Variants in UGT2B10 observed in about 807,000 individuals in gnomAD.
The protein encoded by UGT2B10 is UDP glucuronosyltransferase family 2 member B10.
A neutral mutation model predicts 43.7 loss-of-function variants in UGT2B10; 51 were observed. The ratio of observed to expected loss-of-function variants is 1.17; its 90% CI spans 0.93 to 1.47. The LOEUF is 1.47. Among genes scored for constraint, UGT2B10 ranks in the 40% most tolerant of loss-of-function variants. UGT2B10 has a pLI of 0.00. For synonymous variants in UGT2B10, 225 were observed against 209.0 expected (o/e 1.08, Z -0.66); for missense variants, 696 against 617.7 (o/e 1.13, Z -1.34).
chr4:68,819,310 A>C (rs1394111125), intron 2 of UGT2B10, among the ~76,000 whole-genome samples: 1 of 151,934 alleles, frequency 6.6e-6, no homozygotes, highest in Non-Finnish European at 1.5e-5. Flanking sequence ...TCAGCACATC[A>C]AGGTTATATT....
intron 5 of UGT2B10, among the ~76,000 whole-genome samples, chr4:68,829,788 G>A (rs1324252515): frequency 6.6e-6 from 1 of 152,038 alleles, no homozygotes; most frequent in Non-Finnish European, 1.5e-5. Context: ...CTAGAAGACA[G>A]TGTGCAGGTA....
At chr4:68,823,727 G>A (rs115329518) in intron 3 of UGT2B10, among the ~76,000 whole-genome samples, 23,794 of 151,690 alleles carry the variant, frequency 0.16, 2,170 homozygotes, top group East Asian at 0.32. Context: ...AAGAAAGTTC[G>A]GGCCTAAAAA....
rs537486832 is a variant in UGT2B10 at position 68,830,979 on chromosome 4, C to CA, written c.*109dup. The CA allele has an allele frequency of 6.3e-4, 910 of 1,433,222 alleles. No individual in the cohort carries two copies. Among genetic ancestry groups the CA allele is most frequent in the Admixed American group, 1.2e-3 (46 of 39,896 alleles). The allele number at this position is 1,433,222 out of a possible 1,614,324, so 88.8% of individuals were successfully genotyped here. A position where few individuals can be genotyped will look rare whatever the true frequency, so the allele number is the denominator to read the frequency against. ...ATGCAAGATTTCTTTCTTCCTGTGA[C>CA]AAAAAAAAATCCTTTCGAAGTCTAC... On this transcript the variant is annotated 3_prime_UTR_variant, in exon 6 of 6. Coordinates refer to ENST00000265403, the MANE Select transcript of UGT2B10 (RefSeq NM_001075.6).
chr4:68,823,129 T>G (rs35887929), intron 3 of UGT2B10, among the ~76,000 whole-genome samples: 1 of 152,138 alleles, frequency 6.6e-6, no homozygotes, highest in African/African-American at 2.4e-5. Flanking sequence ...ATAGCATGAT[T>G]GAATGTCATT....
intron 4 of UGT2B10, among the ~76,000 whole-genome samples, chr4:68,826,932 G>A (rs1312380505): frequency 1.3e-5 from 2 of 152,052 alleles, no homozygotes; most frequent in Non-Finnish European, 2.9e-5. Context: ...GATGAAGTGT[G>A]ACCTGTCTTT....
In UGT2B10 at chr4:68,827,425, T is replaced by G; in HGVS notation, c.1184T>G (p.Phe395Cys). The change falls in exon 5 of 6, where the codon TTT becomes TGT. Residue 395 changes from phenylalanine (F) to cysteine (C), a missense_variant. Transcript: ENST00000265403. Reference protein sequence around the residue: ...HGIPMVGIPLFFDQPDNIAHM... With the variant: ...HGIPMVGIPLCFDQPDNIAHM... ...ATCCCTATGGTGGGCATTCCATTGT[T>G]TTTTGATCAACCTGATAATATTGCT... 6.2e-7 allele frequency: 1 copy of G among 1,611,644 alleles called. No individual in the cohort carries two copies. Among genetic ancestry groups the G allele is most frequent in the Admixed American group, 1.7e-5 (1 of 59,932 alleles).
intron 2 of UGT2B10, among the ~76,000 whole-genome samples, chr4:68,821,489 A>C (rs955603259): frequency 2.6e-5 from 4 of 152,174 alleles, no homozygotes; most frequent in African/African-American, 9.6e-5. Flanking sequence ...GTGTGATTTC[A>C]GGGCAATACG....
Position 68,830,594 on chromosome 4 carries a change from C to T in UGT2B10, c.1308-6C>T. On this transcript the variant is annotated splice_region_variant and splice_polypyrimidine_tract_variant and intron_variant, in intron 5 of 5. Coordinates refer to ENST00000265403, the MANE Select transcript of UGT2B10 (RefSeq NM_001075.6). ...CAGTGTCGGTATCTTTATTTTTATC[C>T]TTCAGATATAAAGAGAATATTATGA... 6.2e-7 allele frequency: 1 copy of T among 1,602,910 alleles called. No homozygotes were observed. The highest frequency in any genetic ancestry group is 8.5e-7 in the Non-Finnish European group (1 of 1,175,086).
Position 68,830,784 on chromosome 4 carries a change from G to A in UGT2B10, c.1492G>A (p.Ala498Thr). 4.3e-6 allele frequency: 7 copies of A among 1,613,324 alleles called. No individual in the cohort carries two copies. Among genetic ancestry groups the A allele is most frequent in the Non-Finnish European group, 5.9e-6 (7 of 1,179,516 alleles). Residue 498 changes from alanine to threonine, a missense_variant, in exon 6 of 6, where the codon GCT becomes ACT. Coordinates refer to ENST00000265403, the MANE Select transcript of UGT2B10 (RefSeq NM_001075.6). ...TTTGGATGTGATTGGGTTCCTGCTG[G>A]CTTGTGTGGCAACCGTGCTATTTAT... is the stretch of plus-strand genomic sequence containing the variant. ...HSLDVIGFLL[A>T]CVATVLFIIT...
At chr4:68,830,361 A>C (rs1738025426) in intron 5 of UGT2B10, among the ~76,000 whole-genome samples, 1 of 152,060 alleles carries the variant, frequency 6.6e-6, no homozygotes, top group African/African-American at 2.4e-5. Flanking sequence ...TCTCTGCTTG[A>C]AAAAAATAAC....
intron 2 of UGT2B10, among the ~76,000 whole-genome samples, chr4:68,820,456 G>A (rs1485952127): frequency 1.3e-5 from 2 of 151,888 alleles, no homozygotes; most frequent in African/African-American, 4.8e-5. Context: ...TAATCAAGGT[G>A]TACCTTTTAA....
intron 5 of UGT2B10, among the ~76,000 whole-genome samples, chr4:68,827,780 TA>T (rs1188261002): frequency 6.6e-6 from 1 of 151,968 alleles, no homozygotes; most frequent in Non-Finnish European, 1.5e-5. Flanking sequence ...AAAATAATTT[TA>T]AAATGATATA....
chr4:68,820,839 T>G (rs1357840599), intron 2 of UGT2B10, among the ~76,000 whole-genome samples: 1 of 152,154 alleles, frequency 6.6e-6, no homozygotes, highest in Admixed American at 6.6e-5. Flanking sequence ...GTTATAAAAT[T>G]TCTTACATTA....
chr4:68,822,063 T>C (rs1702481070), intron 2 of UGT2B10, among the ~76,000 whole-genome samples: 1 of 152,102 alleles, frequency 6.6e-6, no homozygotes, highest in African/African-American at 2.4e-5. Context: ...CACACACATA[T>C]TTACACAAAT....
rs547814039 is a variant in UGT2B10, at chr4:68,827,545, C to T, written c.1304C>T (p.Pro435Leu). The T allele has an allele frequency of 1.2e-6, 2 of 1,613,072 alleles. No individual in the cohort carries two copies. The highest frequency in any genetic ancestry group is 2.7e-5 in the African/African-American group (2 of 74,952). The change falls in exon 5 of 6, where the codon CCT becomes CTT. Residue 435 changes from proline (P) to leucine (L), a missense_variant. By Grantham distance (98) the Pro-to-Leu change is moderately conservative (BLOSUM62 -3). Coordinates refer to ENST00000265403, the MANE Select transcript of UGT2B10 (RefSeq NM_001075.6). The part of the protein sequence containing the change: ...LNALKTVIND[P>L]SYKENIMKLS... ...GCACTGAAGACAGTAATTAATGATC[C>T]TTCGTGAGTAGAACAATATTTTTCA...
rs370345128 is a variant in UGT2B10, at chr4:68,830,756, C to T, written c.1464C>T (p.His488=). The change falls in exon 6 of 6, where the codon CAC becomes CAT. Residue 488 remains histidine, a synonymous_variant. Coordinates refer to ENST00000265403, the MANE Select transcript of UGT2B10 (RefSeq NM_001075.6). The part of the protein sequence containing the change: ...AAHNLTWFQY[H]SLDVIGFLLA... ...ACAACCTCACCTGGTTCCAGTACCA[C>T]TCTTTGGATGTGATTGGGTTCCTGC... 16 of 1,613,326 alleles carry T rather than the reference C, an allele frequency of 9.9e-6. No homozygotes were observed. The highest frequency in any genetic ancestry group is 1.0e-5 in the Non-Finnish European group (12 of 1,179,578).
At chr4:68,827,643 T>A in intron 5 of UGT2B10, 95 bp downstream of exon 5, 3 of 1,535,764 alleles carry the variant, frequency 2.0e-6, no homozygotes, top group Non-Finnish European at 2.6e-6. Context: ...AAGAGAGTGA[T>A]TTTGAAAGAA....
At chr4:68,825,873 T>C (rs1560418950) in intron 3 of UGT2B10, among the ~76,000 whole-genome samples, 2 of 152,080 alleles carry the variant, frequency 1.3e-5, no homozygotes, top group Non-Finnish European at 2.9e-5. Context: ...GATTGCTGGG[T>C]TTCATGGTAT....
chr4:68,820,454 G>T (rs926891243), intron 2 of UGT2B10, among the ~76,000 whole-genome samples: 7 of 151,756 alleles, frequency 4.6e-5, no homozygotes, highest in African/African-American at 9.7e-5. Flanking sequence ...ATTAATCAAG[G>T]TGTACCTTTT....
Sources: gnomAD v4.1 joint callset for allele counts (sites outside exome capture counted in the v4.1 genomes callset) on GRCh38, gnomAD v4.1.1 for gene constraint, MANE v1.5 for transcripts, NCBI Gene and HGNC (gene_info 2026-07-23, HGNC 2026-07-21) for gene names.